The following GTF2A1 variants were observed in gnomAD, a reference collection of about 807,000 sequenced individuals.
GTF2A1 encodes general transcription factor IIA subunit 1, also known as transcription initiation factor IIA subunit 1.
GTF2A1 carries 12 observed loss-of-function variants against 54.1 expected under a neutral mutation model. That is an observed-to-expected ratio of 0.22 (90% CI 0.14 to 0.36). GTF2A1 has a LOEUF of 0.36. GTF2A1 is among the 10% of genes least tolerant of loss of function. GTF2A1 has a pLI of 1.00. For synonymous variants in GTF2A1, 145 were observed against 152.0 expected, an observed-to-expected ratio of 0.95 and a Z score of 0.34; for missense variants, 335 against 442.2, an observed-to-expected ratio of 0.76 and a Z score of 2.17.
intron 2 of GTF2A1, among the ~76,000 whole-genome samples, chr14:81,208,284 T>C (rs567348585): frequency 5.3e-5 from 8 of 152,270 alleles, no homozygotes; most frequent in Admixed American, 4.6e-4. Flanking sequence ...GCTCAGACTG[T>C]GGCTTCAGAA....
chr14:81,217,291 A>G (rs1893507634), intron 1 of GTF2A1, among the ~76,000 whole-genome samples: 2 of 152,250 alleles, frequency 1.3e-5, no homozygotes, highest in South Asian at 2.1e-4. Context: ...GAACTTTCAA[A>G]AAGTATAAAA....
In GTF2A1 at chr14:81,192,515, T is replaced by A; in HGVS notation, c.933+4A>T. 1 of 1,593,776 alleles carries A rather than the reference T, an allele frequency of 6.3e-7. No individual in the cohort carries two copies. The highest frequency in any genetic ancestry group is 8.6e-7 in the Non-Finnish European group (1 of 1,168,316). On this transcript the variant is annotated splice_donor_region_variant and intron_variant, in intron 7 of 8. Coordinates refer to ENST00000553612, the MANE Select transcript of GTF2A1 (RefSeq NM_015859.4). ...TTATTTTAAGTATGTTACTAGAAACTTACTTCTTCCACCTGCCCATCTTCA... is the reference window on the plus strand; with the variant it reads ...TTATTTTAAGTATGTTACTAGAAACATACTTCTTCCACCTGCCCATCTTCA...
At chr14:81,203,032 C>A (rs1049805232) in intron 3 of GTF2A1, among the ~76,000 whole-genome samples, 2 of 152,178 alleles carry the variant, frequency 1.3e-5, no homozygotes, top group Non-Finnish European at 2.9e-5. Context: ...TTTTCATTTA[C>A]TTCTAGTGTC....
At chr14:81,193,814 G>A (rs1289357809) in intron 6 of GTF2A1, among the ~76,000 whole-genome samples, 1 of 152,160 alleles carries the variant, frequency 6.6e-6, no homozygotes, top group African/African-American at 2.4e-5. Context: ...CTAGATGCTT[G>A]TTACTTGCCA....
At chr14:81,186,453 T>A (rs1218635058) in intron 7 of GTF2A1, among the ~76,000 whole-genome samples, 1 of 141,450 alleles carries the variant, frequency 7.1e-6, no homozygotes, top group African/African-American at 2.9e-5. Flanking sequence ...AGATTCAGAC[T>A]TTTTTTTTTT....
At chr14:81,207,255 T>C (rs766032543) in intron 2 of GTF2A1, among the ~76,000 whole-genome samples, 3 of 152,208 alleles carry the variant, frequency 2.0e-5, no homozygotes, top group South Asian at 4.2e-4. Flanking sequence ...AGAATTCCCA[T>C]GTGCTGTGGA....
At chr14:81,188,848 A>T (rs1208810526) in intron 7 of GTF2A1, among the ~76,000 whole-genome samples, 1 of 151,966 alleles carries the variant, frequency 6.6e-6, no homozygotes, top group Non-Finnish European at 1.5e-5. Flanking sequence ...AGAGTTTTAT[A>T]ATTTCAGCTC....
intron 2 of GTF2A1, among the ~76,000 whole-genome samples, chr14:81,207,282 A>C (rs1211464472): frequency 6.6e-6 from 1 of 152,094 alleles, no homozygotes; most frequent in Non-Finnish European, 1.5e-5. Context: ...ATGTAATTGA[A>C]CCATGGGGGC....
At chr14:81,206,359 C>T (rs1893230354) in intron 2 of GTF2A1, among the ~76,000 whole-genome samples, 1 of 152,160 alleles carries the variant, frequency 6.6e-6, no homozygotes, top group South Asian at 2.1e-4. Flanking sequence ...GTACTGCAAA[C>T]AGTAGTAATG....
chr14:81,195,532 T>C (rs1286251669), intron 6 of GTF2A1, among the ~76,000 whole-genome samples: 1 of 147,482 alleles, frequency 6.8e-6, no homozygotes, highest in Non-Finnish European at 1.5e-5. Context: ...CTTGGGAGGC[T>C]GAGGCAGGAG....
chr14:81,175,874 ATT>A lies in GTF2A1; in HGVS notation c.*4347_*4348del, dbSNP rs1195707962. The A allele has an allele frequency of 3.3e-5, 5 of 152,202 alleles. No individual in the cohort carries two copies. The highest frequency in any genetic ancestry group is 1.2e-4 in the African/African-American group (5 of 41,466). 9.4% of individuals were successfully genotyped at this position (152,202 alleles called of 1,614,324 possible). ...TTAATTATACCAATTTTTAGTTATA[ATT>A]TGTTAGTGTGAATTCGCCCAACCTA... On this transcript the variant is annotated 3_prime_UTR_variant, in exon 9 of 9. Coordinates refer to ENST00000553612, the MANE Select transcript of GTF2A1 (RefSeq NM_015859.4).
intron 5 of GTF2A1, 32 bp from the exon 6 acceptor site, chr14:81,196,273 A>G: frequency 6.2e-7 from 1 of 1,611,372 alleles, no homozygotes; most frequent in Admixed American, 1.7e-5. Flanking sequence ...CCGAGTTATC[A>G]TTTTAGCAGT....
At chr14:81,219,162 G>A (rs1893550699) in intron 1 of GTF2A1, among the ~76,000 whole-genome samples, 1 of 152,094 alleles carries the variant, frequency 6.6e-6, no homozygotes, top group Admixed American at 6.6e-5. Flanking sequence ...ACAGCGATTC[G>A]GATATATTCC....
intron 4 of GTF2A1, among the ~76,000 whole-genome samples, chr14:81,201,354 T>C (rs1207281812): frequency 6.6e-6 from 1 of 152,200 alleles, no homozygotes; most frequent in Non-Finnish European, 1.5e-5. Context: ...TAGTAGGGAA[T>C]GGAATAACTC....
chr14:81,209,465 T>C (rs1419177034), intron 2 of GTF2A1, among the ~76,000 whole-genome samples: 2 of 152,180 alleles, frequency 1.3e-5, no homozygotes, highest in African/African-American at 2.4e-5. Flanking sequence ...TTATTAGCAG[T>C]GTGAAAATGA....
chr14:81,186,205 A>G (rs946429721), intron 7 of GTF2A1, among the ~76,000 whole-genome samples: 1 of 152,250 alleles, frequency 6.6e-6, no homozygotes, highest in African/African-American at 2.4e-5. Flanking sequence ...ATTCTCTACA[A>G]TAACTGTTTA....
At position 81,201,617 on chromosome 14, in the gene GTF2A1, G is replaced by C; in HGVS notation, c.379C>G (p.Gln127Glu). The C allele has an allele frequency of 1.2e-6, 2 of 1,607,118 alleles. No individual in the cohort carries two copies. The highest frequency in any genetic ancestry group is 1.7e-6 in the Non-Finnish European group (2 of 1,173,662). Residue 127 changes from glutamine (Q) to glutamate (E), a missense_variant, in exon 4 of 9, where the codon CAG (glutamine) becomes GAG (glutamate). Gln to Glu is a conservative substitution (Grantham distance 29). Transcript: ENST00000553612. ...QVIVPDSKLI[Q>E]HMNASNMSAA... ...ACCATGTTTGATGCATTCATATGCT[G>C]TATCAACTTAGAATCTGGAACAATA...
At chr14:81,202,870 G>T (rs1337425685) in intron 3 of GTF2A1, 3 of 465,394 alleles carry the variant, frequency 6.4e-6, no homozygotes, top group South Asian at 3.1e-5. Context: ...TTGATACAAA[G>T]TACACATTAA....
In GTF2A1 at chr14:81,203,942, G is replaced by C. The variant is rs1893171596; in HGVS notation, c.295C>G (p.Gln99Glu). ...ATAAGAACCTGCTGGGTCTGCGCTTGCTGAGGTACTGTCTGCTGAGGCTGA... is the reference window on the plus strand; with the variant it reads ...ATAAGAACCTGCTGGGTCTGCGCTTCCTGAGGTACTGTCTGCTGAGGCTGA... ...QAQPQQTVPQ[Q>E]AQTQQVLIPA... The change falls in exon 3 of 9, where the codon CAA (glutamine) becomes GAA (glutamate). Residue 99 changes from glutamine (Q) to glutamate (E), a missense_variant. Gln to Glu is a conservative substitution (Grantham distance 29). This residue lies in a region of GTF2A1 where 306 missense variants were observed against 360.4 expected (regional missense o/e 0.85). Coordinates refer to ENST00000553612, the MANE Select transcript of GTF2A1 (RefSeq NM_015859.4). 1 of 1,613,984 alleles carries C rather than the reference G, an allele frequency of 6.2e-7. No homozygotes were observed. Among genetic ancestry groups the C allele is most frequent in the Non-Finnish European group, 8.5e-7 (1 of 1,179,994 alleles).
Sources: allele counts gnomAD v4.1 joint callset (sites outside exome capture counted in the v4.1 genomes callset), GRCh38; gene constraint gnomAD v4.1.1; regional missense constraint gnomAD v4.1.1; transcripts MANE v1.5; gene names NCBI Gene and HGNC (gene_info 2026-07-23, HGNC 2026-07-21).